The following PIK3C2G variants were observed in gnomAD, a reference collection of about 807,000 sequenced individuals.
The protein encoded by PIK3C2G is phosphatidylinositol 3-kinase C2 domain-containing subunit gamma.
In PIK3C2G, 168 loss-of-function variants were observed where a neutral mutation model predicts 181.1. The ratio of observed to expected loss-of-function variants is 0.93; its 90% CI spans 0.82 to 1.05. The LOEUF (loss-of-function observed/expected upper bound fraction) is 1.05, where lower values mean the gene tolerates loss of function less well. PIK3C2G is among the 50% of genes least tolerant of loss of function. The probability of loss-of-function intolerance (pLI) is 0.00; values close to 1 mark genes in which losing one functional copy is unlikely to be tolerated. For missense variants in PIK3C2G, 1,869 were observed against 1,732.8 expected (o/e 1.08, Z -1.40); for synonymous variants, 573 against 592.2 (o/e 0.97, Z 0.47).
intron 29 of PIK3C2G, 23 bp from the exon 30 acceptor site, chr12:18,594,471 T>C (rs368700280): frequency 1.7e-5 from 25 of 1,428,694 alleles, no homozygotes; most frequent in African/African-American, 5.9e-5. Context: ...TAAAGAAATA[T>C]TATGTTTCAT....
At chr12:18,332,861 T>C (rs1004899588) in intron 8 of PIK3C2G, among the ~76,000 whole-genome samples, 1 of 152,038 alleles carries the variant, frequency 6.6e-6, no homozygotes, top group Non-Finnish European at 1.5e-5. Context: ...CCTACACACC[T>C]GAGCCACCGA....
At chr12:18,534,973 G>C (rs952105714) in intron 24 of PIK3C2G, among the ~76,000 whole-genome samples, 4 of 151,906 alleles carry the variant, frequency 2.6e-5, no homozygotes, top group African/African-American at 9.7e-5. Flanking sequence ...CTATAAATAA[G>C]ATTTTCAATA....
chr12:18,274,664 C>A (rs889233097), intron 1 of PIK3C2G, among the ~76,000 whole-genome samples: 1 of 151,704 alleles, frequency 6.6e-6, no homozygotes, highest in Non-Finnish European at 1.5e-5. Flanking sequence ...GGGGTGGGGG[C>A]AGGGGGGAGG....
intron 25 of PIK3C2G, among the ~76,000 whole-genome samples, chr12:18,538,977 T>C (rs1271191139): frequency 6.6e-6 from 1 of 151,960 alleles, no homozygotes; most frequent in Non-Finnish European, 1.5e-5. Context: ...GAGAGGGATA[T>C]AGTGATTCCT....
chr12:18,449,108 G>A (rs1427557381), intron 18 of PIK3C2G, among the ~76,000 whole-genome samples: 1 of 151,944 alleles, frequency 6.6e-6, no homozygotes, highest in Admixed American at 6.6e-5. Flanking sequence ...TGCACCAACA[G>A]TGTATTGAGT....
At chr12:18,255,866 A>G (rs1454208915) in intron 1 of PIK3C2G, among the ~76,000 whole-genome samples, 1 of 152,242 alleles carries the variant, frequency 6.6e-6, no homozygotes, top group Non-Finnish European at 1.5e-5. Flanking sequence ...ACCACTGGAC[A>G]AGATTTTTGA....
At chr12:18,449,159 G>A (rs1947196953) in intron 18 of PIK3C2G, among the ~76,000 whole-genome samples, 1 of 151,938 alleles carries the variant, frequency 6.6e-6, no homozygotes, top group South Asian at 2.1e-4. Context: ...GACCATATAT[G>A]CTTGCATTTA....
chr12:18,710,880 A>G, the PIK3C2G span, among the ~76,000 whole-genome samples: 3 of 152,110 alleles, frequency 2.0e-5, no homozygotes, highest in African/African-American at 7.2e-5. Context: ...AAAGTCAGGA[A>G]ACAACAGGTG....
At chr12:18,379,226 A>C (rs1942670575) in intron 13 of PIK3C2G, among the ~76,000 whole-genome samples, 1 of 152,042 alleles carries the variant, frequency 6.6e-6, no homozygotes, top group African/African-American at 2.4e-5. Context: ...GACATGGATG[A>C]AGCTGGAAAC....
At chr12:18,506,150 T>A (rs548997493) in intron 24 of PIK3C2G, among the ~76,000 whole-genome samples, 1 of 151,996 alleles carries the variant, frequency 6.6e-6, no homozygotes, top group East Asian at 1.9e-4. Context: ...TGGAGATCCA[T>A]GAGAAGAGAA....
At chr12:18,683,140 A>G in the PIK3C2G span, 2 of 1,008,706 alleles carry the variant, frequency 2.0e-6, no homozygotes, top group African/African-American at 1.6e-5. Flanking sequence ...TTTATGAGTA[A>G]TTATTTTTCT....
At chr12:18,609,664 C>A in intron 31 of PIK3C2G, 35 bp downstream of exon 31, 1 of 1,294,858 alleles carries the variant, frequency 7.7e-7, no homozygotes, top group Non-Finnish European at 1.1e-6. Flanking sequence ...AACATGTAAG[C>A]CTACATCCAG....
the PIK3C2G span, among the ~76,000 whole-genome samples, chr12:18,676,006 T>G: frequency 8.1e-6 from 1 of 123,166 alleles, no homozygotes; most frequent in Non-Finnish European, 2.0e-5. Flanking sequence ...CTTCTGAATC[T>G]ATTTAAAAAA....
At chr12:18,544,263 T>C (rs1352210634) in intron 25 of PIK3C2G, among the ~76,000 whole-genome samples, 1 of 151,570 alleles carries the variant, frequency 6.6e-6, no homozygotes, top group Admixed American at 6.6e-5. Flanking sequence ...GAGGCTGGAG[T>C]GATAGGTTAC....
intron 2 of PIK3C2G, chr12:18,285,529 G>A (rs1173874738): frequency 6.6e-6 from 1 of 151,992 alleles, no homozygotes; most frequent in African/African-American, 2.4e-5. Flanking sequence ...TATTGTGTAT[G>A]TGGATAAAAA....
the PIK3C2G span, among the ~76,000 whole-genome samples, chr12:18,698,723 A>G: frequency 2.3e-4 from 35 of 152,192 alleles, no homozygotes; most frequent in Non-Finnish European, 4.6e-4. Context: ...GTCTAGTAAC[A>G]CATCAGGATA....
At chr12:18,655,331 G>A in the PIK3C2G span, among the ~76,000 whole-genome samples, 1 of 152,028 alleles carries the variant, frequency 6.6e-6, no homozygotes, top group South Asian at 2.1e-4. Flanking sequence ...GCCAAAGCTG[G>A]GACAAGTTGG....
intron 18 of PIK3C2G, among the ~76,000 whole-genome samples, chr12:18,429,497 T>C (rs943517938): frequency 2.0e-5 from 3 of 152,102 alleles, no homozygotes; most frequent in African/African-American, 7.2e-5. Flanking sequence ...CCATCTGGGA[T>C]TGAGTATTGC....
chr12:18,277,734 A>G (rs183120688), intron 1 of PIK3C2G, among the ~76,000 whole-genome samples: 55 of 152,256 alleles, frequency 3.6e-4, no homozygotes, highest in Non-Finnish European at 7.5e-4. Context: ...TATTCTGAAC[A>G]CTGGAGTTGT....
Sources: gnomAD v4.1 joint callset for allele counts (sites outside exome capture counted in the v4.1 genomes callset) on GRCh38, gnomAD v4.1.1 for gene constraint, MANE v1.5 for transcripts, NCBI Gene and HGNC (gene_info 2026-07-23, HGNC 2026-07-21) for gene names.